Variants in DLGAP1 observed in about 807,000 individuals in gnomAD.
DLGAP1 encodes DLG associated protein 1.
Under a neutral mutation model 90.8 loss-of-function variants are expected in DLGAP1, and 11 were observed. That is an observed-to-expected ratio of 0.12 (90% confidence interval 0.08 to 0.20). DLGAP1 has a LOEUF of 0.20. Among genes scored for constraint, DLGAP1 ranks in the 10% least tolerant of loss-of-function variants. The pLI, the probability that DLGAP1 is intolerant of heterozygous loss-of-function variation, is 1.00. For missense variants in DLGAP1, 1,050 were observed against 1,333.8 expected (o/e 0.79, Z 3.31); for synonymous variants, 558 against 540.7 (o/e 1.03, Z -0.44).
intron 7 of DLGAP1, among the ~76,000 whole-genome samples, chr18:3,663,532 A>T (rs963954715): frequency 6.6e-6 from 1 of 152,278 alleles, no homozygotes; most frequent in East Asian, 1.9e-4. Context: ...ATGCTCTGCC[A>T]GTATCTGGGC....
intron 7 of DLGAP1, among the ~76,000 whole-genome samples, chr18:3,646,799 C>T (rs2146383263): frequency 6.6e-6 from 1 of 152,082 alleles, no homozygotes; most frequent in South Asian, 2.1e-4. Context: ...GTGGTGGGCG[C>T]CTGTAGTCCC....
chr18:4,392,086 G>A (rs1345621771), intron 1 of DLGAP1, among the ~76,000 whole-genome samples: 2 of 152,036 alleles, frequency 1.3e-5, no homozygotes, highest in Non-Finnish European at 2.9e-5. Flanking sequence ...GACGAAAGTG[G>A]GTCAAGGGAA....
At chr18:4,193,350 A>G (rs1424605597) in intron 1 of DLGAP1, among the ~76,000 whole-genome samples, 1 of 152,216 alleles carries the variant, frequency 6.6e-6, no homozygotes, top group East Asian at 1.9e-4. Context: ...GGTCAAAAGT[A>G]AAATCATCAG....
rs111245808 is a variant in DLGAP1, at chr18:4,183,203, A to C, written c.-266-31916T>G. 3.2e-3 allele frequency among the ~76,000 whole-genome samples: 494 copies of C among 152,308 alleles called. 5 individuals are homozygous for C. The highest frequency in any genetic ancestry group is 0.011 in the African/African-American group (442 of 41,586). On this transcript the variant is annotated intron_variant, in intron 1 of 12. Transcript: ENST00000315677. Reference sequence around the variant, plus strand: ...TATACAAGTCATACTGAAAACTGTCAGTCCTTTTTGTGCATAGCTTGATGA... The same window carrying C: ...TATACAAGTCATACTGAAAACTGTCCGTCCTTTTTGTGCATAGCTTGATGA...
intron 1 of DLGAP1, among the ~76,000 whole-genome samples, chr18:4,198,523 T>G (rs1288192708): frequency 6.6e-6 from 1 of 152,240 alleles, no homozygotes; most frequent in Non-Finnish European, 1.5e-5. Flanking sequence ...CAGACAGTTG[T>G]CACCCTTTCT....
intron 7 of DLGAP1, among the ~76,000 whole-genome samples, chr18:3,639,234 T>C (rs992340367): frequency 4.6e-5 from 7 of 152,050 alleles, no homozygotes; most frequent in Non-Finnish European, 5.9e-5. Context: ...TGGGTGCCTG[T>C]AGTCCCAGCT....
chr18:3,683,294 G>A (rs1254381649), intron 7 of DLGAP1, among the ~76,000 whole-genome samples: 1 of 152,132 alleles, frequency 6.6e-6, no homozygotes, highest in African/African-American at 2.4e-5. Flanking sequence ...AACACATCAA[G>A]AGATGTAGAA....
intron 1 of DLGAP1, among the ~76,000 whole-genome samples, chr18:4,366,051 T>C (rs2081757272): frequency 6.6e-6 from 1 of 152,128 alleles, no homozygotes; most frequent in Non-Finnish European, 1.5e-5. Context: ...ATAGACATAC[T>C]GTATACGTAC....
intron 5 of DLGAP1, among the ~76,000 whole-genome samples, chr18:3,805,314 T>A (rs3786434): frequency 0.7 from 105,951 of 152,078 alleles, 37,222 homozygotes; most frequent in African/African-American, 0.78. Flanking sequence ...AGGAGAATGG[T>A]GTCTTACTGT....
At position 4,401,325 on chromosome 18, in the gene DLGAP1, T is replaced by C. The variant is rs571980871; in HGVS notation, c.-267+53681A>G. 3.9e-5 allele frequency among the ~76,000 whole-genome samples: 6 copies of C among 152,324 alleles called. No individual in the cohort carries two copies. In the East Asian group the frequency reaches 1.2e-3, roughly 29 times the overall value. ...TAAATCTTTTAACCTCATCTTTGCATTCTTAAAATTACTTTCTTTGCAAAA... is the reference window on the plus strand; with the variant it reads ...TAAATCTTTTAACCTCATCTTTGCACTCTTAAAATTACTTTCTTTGCAAAA... On this transcript the variant is annotated intron_variant, in intron 1 of 12. Transcript: ENST00000315677.
In DLGAP1 at chr18:4,292,392, C is replaced by A. The variant is rs552485393; in HGVS notation, c.-266-141105G>T. ...TGCCACAGCTACCAAGTTTTTTTTT[C>A]ATTTGAAAATATGTATATTTTAAAG... On this transcript the variant is annotated intron_variant, in intron 1 of 12. Transcript: ENST00000315677. 7.7e-4 allele frequency among the ~76,000 whole-genome samples: 116 copies of A among 151,606 alleles called. 1 individual carries two copies. The highest frequency in any genetic ancestry group is 6.8e-3 in the Middle Eastern group (2 of 294).
chr18:4,448,802 G>C (rs1049293168), intron 1 of DLGAP1, among the ~76,000 whole-genome samples: 1 of 152,182 alleles, frequency 6.6e-6, no homozygotes, highest in African/African-American at 2.4e-5. Context: ...TTCCACATCA[G>C]TAAAGATGTT....
chr18:4,404,702 T>G (rs765215186), intron 1 of DLGAP1, among the ~76,000 whole-genome samples: 1 of 152,178 alleles, frequency 6.6e-6, no homozygotes, highest in Non-Finnish European at 1.5e-5. Flanking sequence ...AATGTCAATT[T>G]AAAAGGAAAT....
chr18:4,045,567 A>G (rs2075041075), intron 2 of DLGAP1, among the ~76,000 whole-genome samples: 1 of 149,452 alleles, frequency 6.7e-6, no homozygotes, highest in African/African-American at 2.5e-5. Context: ...TCACTACTGC[A>G]CTCCAGCCTG....
At chr18:3,596,923 C>T (rs759554767) in intron 7 of DLGAP1, 1 of 520,076 alleles carries the variant, frequency 1.9e-6, no homozygotes, top group Non-Finnish European at 3.8e-6. Context: ...CCTAATCTAC[C>T]ATTCTCTGAC....
chr18:3,630,565 A>AG (rs2058488015), intron 7 of DLGAP1, among the ~76,000 whole-genome samples: 2 of 152,214 alleles, frequency 1.3e-5, no homozygotes, highest in South Asian at 4.1e-4. Context: ...ACAAAGGTAT[A>AG]GTCCAATTTT....
At chr18:3,657,751 C>A (rs925802632) in intron 7 of DLGAP1, among the ~76,000 whole-genome samples, 1 of 152,006 alleles carries the variant, frequency 6.6e-6, no homozygotes, top group Non-Finnish European at 1.5e-5. Context: ...TACAGGCGCC[C>A]GCCACCGCAC....
In DLGAP1 at chr18:3,897,883, T is replaced by C. The variant is rs368774324; in HGVS notation, c.-72-17743A>G. ...AATCTCGGCTCACTGCAAGCTCCGC[T>C]TCCCGGGTTCACGCCATTCTCCTGC... On this transcript the variant is annotated intron_variant, in intron 3 of 12. Coordinates refer to ENST00000315677, the MANE Select transcript of DLGAP1 (RefSeq NM_004746.4). 7.5e-3 allele frequency among the ~76,000 whole-genome samples: 1,100 copies of C among 146,068 alleles called. 11 individuals are homozygous for C. The highest frequency in any genetic ancestry group is 0.028 in the East Asian group (135 of 4,742).
chr18:3,602,463 C>T (rs1428131995), intron 7 of DLGAP1, among the ~76,000 whole-genome samples: 12 of 151,630 alleles, frequency 7.9e-5, no homozygotes, highest in African/African-American at 1.9e-4. Context: ...GGCGTGGTGG[C>T]GGGCGCCTGT....
Sources: gnomAD v4.1 joint callset for allele counts (sites outside exome capture counted in the v4.1 genomes callset) on GRCh38, gnomAD v4.1.1 for gene constraint, MANE v1.5 for transcripts, NCBI Gene and HGNC (gene_info 2026-07-23, HGNC 2026-07-21) for gene names.